The following MCF2L variants were observed in gnomAD, a reference collection of about 807,000 sequenced individuals.
MCF2L encodes the protein guanine nucleotide exchange factor DBS.
In MCF2L, 97 loss-of-function variants were observed where a neutral mutation model predicts 153.4. The observed-to-expected ratio is 0.63, with a 90% CI of 0.54 to 0.75. The LOEUF (loss-of-function observed/expected upper bound fraction) is 0.75, where lower values mean the gene tolerates loss of function less well. Ranked by LOEUF, MCF2L falls within the 30% of genes least tolerant of loss-of-function variation. The probability of loss-of-function intolerance (pLI) is 0.00; values close to 1 mark genes in which losing one functional copy is unlikely to be tolerated. For synonymous variants in MCF2L, 659 were observed against 632.2 expected, an observed-to-expected ratio of 1.04 and a Z score of -0.64; for missense variants, 1,347 against 1,495.2, an observed-to-expected ratio of 0.90 and a Z score of 1.64.
At chr13:113,056,251 A>G in intron 4 of MCF2L, among the ~76,000 whole-genome samples, 1 of 151,876 alleles carries the variant, frequency 6.6e-6, no homozygotes, top group Non-Finnish European at 1.5e-5. Context: ...GACCTGGTCC[A>G]TGTTTGGGTG....
chr13:112,921,304 A>G (rs921968105), intron 2 of MCF2L, among the ~76,000 whole-genome samples: 1 of 152,258 alleles, frequency 6.6e-6, no homozygotes, highest in African/African-American at 2.4e-5. Flanking sequence ...AGAGGTTGCA[A>G]GTTTGATGCC....
rs1320030409 is a variant in MCF2L, at chr13:113,064,203, C to G, written c.490-101C>G. On this transcript the variant is annotated intron_variant, in intron 5 of 29. Coordinates refer to ENST00000535094, the MANE Select transcript of MCF2L (RefSeq NM_001112732.3). This position sits in a 1 kb window ranked among gnomAD's most constrained non-coding sequence, Gnocchi z 6.0. The stretch of plus-strand genomic sequence containing the variant: ...CAGCCGCCCGCAGCATCCAGGCAGA[C>G]GTGGTCCTCTCTGTGCTGCTGGGTG... 2.3e-6 allele frequency: 2 copies of G among 860,144 alleles called. No individual in the cohort carries two copies. The highest frequency in any genetic ancestry group is 3.3e-5 in the African/African-American group (2 of 60,906). The allele number at this position is 860,144 out of a possible 1,614,324, so 53.3% of individuals were successfully genotyped here. A position where few individuals can be genotyped will look rare whatever the true frequency, so the allele number is the denominator to read the frequency against.
At chr13:113,007,640 C>T (rs1395747360) in intron 1 of MCF2L, among the ~76,000 whole-genome samples, 1 of 152,250 alleles carries the variant, frequency 6.6e-6, no homozygotes, top group Admixed American at 6.5e-5. Context: ...GCTGTACAGA[C>T]AGGGCTGAGG....
intron 5 of MCF2L, among the ~76,000 whole-genome samples, chr13:113,062,245 G>A (rs566045688): frequency 6.6e-6 from 1 of 152,222 alleles, no homozygotes; most frequent in African/African-American, 2.4e-5. Context: ...CTGACACCAG[G>A]ATGAGCTAGG....
At chr13:113,073,980 C>T (rs1463423992) in intron 9 of MCF2L, among the ~76,000 whole-genome samples, 1 of 152,122 alleles carries the variant, frequency 6.6e-6, no homozygotes, top group Middle Eastern at 3.2e-3. Context: ...TTCCTGCCAA[C>T]AGCAGAAATC....
At chr13:113,006,434 C>G (rs1364544261) in intron 1 of MCF2L, among the ~76,000 whole-genome samples, 1 of 152,184 alleles carries the variant, frequency 6.6e-6, no homozygotes, top group Admixed American at 6.5e-5. Context: ...GCCTGATCCT[C>G]CCCCCGGGAG....
intron 2 of MCF2L, among the ~76,000 whole-genome samples, chr13:112,947,170 A>T (rs952352104): frequency 7.2e-5 from 11 of 152,110 alleles, no homozygotes; most frequent in Admixed American, 5.9e-4. Context: ...GTTAGGGAGG[A>T]GCCCTTGTCC....
Position 113,045,290 on chromosome 13 carries a change from G to A in MCF2L, c.298G>A (p.Gly100Arg), listed in dbSNP as rs372937886. 19 of 1,613,888 alleles carry A rather than the reference G, an allele frequency of 1.2e-5. No individual in the cohort carries two copies. The highest frequency in any genetic ancestry group is 4.5e-5 in the East Asian group (2 of 44,894). Residue 100 changes from glycine to arginine, a missense_variant, in exon 4 of 30, where the codon GGA (glycine) becomes AGA (arginine). Gly to Arg is a moderately radical substitution (Grantham distance 125, BLOSUM62 -2). Coordinates refer to ENST00000535094, the MANE Select transcript of MCF2L (RefSeq NM_001112732.3). This position sits in a 1 kb window ranked among gnomAD's most constrained non-coding sequence, Gnocchi z 4.2. ...SIPSLQDAGIGFILVIDRRRD... is the reference protein window; with the variant it reads ...SIPSLQDAGIRFILVIDRRRD... ...CTGCAGCCTGCAGGACGCTGGCATC[G>A]GATTCATCCTGGTGATAGACCGGCG...
chr13:113,092,494 G>T (rs1183742126), intron 26 of MCF2L, among the ~76,000 whole-genome samples: 2 of 152,238 alleles, frequency 1.3e-5, no homozygotes, highest in African/African-American at 2.4e-5. Flanking sequence ...CCGGGCCACT[G>T]CCCGTGGGTC....
At position 113,053,644 on chromosome 13, in the gene MCF2L, A is replaced by T. The variant is rs1273590241; in HGVS notation, c.370-6949A>T. Among the ~76,000 whole-genome samples the T allele has an allele frequency of 6.6e-6, 1 of 151,898 alleles. No individual in the cohort carries two copies. The highest frequency in any genetic ancestry group is 2.4e-5 in the African/African-American group (1 of 41,340). On this transcript the variant is annotated intron_variant, in intron 4 of 29. Transcript: ENST00000535094. The surrounding 1 kb of genome is among the most constrained non-coding windows in gnomAD (Gnocchi z 4.4). ...GGTCCCGTGGCTGAGGTGTCCACTG[A>T]CCGTTTCTGCCTGAATGGGTGGTTC...
chr13:112,931,160 A>G (rs1185166194), intron 2 of MCF2L, among the ~76,000 whole-genome samples: 1 of 152,122 alleles, frequency 6.6e-6, no homozygotes, highest in African/African-American at 2.4e-5. Flanking sequence ...GTGTTTCCAC[A>G]TCCCTTTCTC....
rs935029041 is a variant in MCF2L, at chr13:113,035,012, G to A, written c.278+10254G>A. 2.0e-5 allele frequency among the ~76,000 whole-genome samples: 3 copies of A among 152,232 alleles called. No individual in the cohort carries two copies. The highest frequency in any genetic ancestry group is 2.9e-5 in the Non-Finnish European group (2 of 68,048). ...ACCTATGGCGCCCACACCGGAGGGC[G>A]GGAAAAGGAGGAAGAGCATGGCCCC... On this transcript the variant is annotated intron_variant, in intron 3 of 29. Coordinates refer to ENST00000535094, the MANE Select transcript of MCF2L (RefSeq NM_001112732.3). The surrounding 1 kb of genome is among the most constrained non-coding windows in gnomAD (Gnocchi z 4.4).
intron 1 of MCF2L, among the ~76,000 whole-genome samples, chr13:113,000,707 C>T (rs563295621): frequency 3.2e-4 from 49 of 152,344 alleles, no homozygotes; most frequent in Admixed American, 1.8e-3. Context: ...CCCCAGAAGC[C>T]GGTGTTCCCA....
upstream of MCF2L, chr13:112,969,144 G>A: frequency 3.0e-6 from 1 of 335,516 alleles, no homozygotes; most frequent in Non-Finnish European, 4.7e-6. The surrounding 1 kb of genome is among the most constrained non-coding windows in gnomAD (Gnocchi z 4.8). Flanking sequence ...GGGCGGGCGC[G>A]CGCCGCTTCC....
intron 1 of MCF2L, chr13:112,985,222 G>A (rs56135760): frequency 0.27 from 96,889 of 363,684 alleles, 15,079 homozygotes; most frequent in Non-Finnish European, 0.34. Context: ...ATTGCCTGGC[G>A]TACTCTGTCC....
At chr13:113,077,833 C>G (rs1566854521) in intron 13 of MCF2L, among the ~76,000 whole-genome samples, 1 of 152,244 alleles carries the variant, frequency 6.6e-6, no homozygotes, top group Admixed American at 6.5e-5. Context: ...ACCCACCAGG[C>G]GAGCTGCTGC....
chr13:113,027,204 TGG>T lies in MCF2L; in HGVS notation c.278+2448_278+2449del. 1 of 609,448 alleles carries T rather than the reference TGG, an allele frequency of 1.6e-6. No individual in the cohort carries two copies. The highest frequency in any genetic ancestry group is 3.0e-6 in the Non-Finnish European group (1 of 334,398). 37.8% of individuals were successfully genotyped at this position (609,448 alleles called of 1,614,324 possible). A position where few individuals can be genotyped will look rare whatever the true frequency, so the allele number is the denominator to read the frequency against. On this transcript the variant is annotated intron_variant, in intron 3 of 29. Transcript: ENST00000535094. The surrounding 1 kb of genome is among the most constrained non-coding windows in gnomAD (Gnocchi z 4.8). Reference sequence around the variant, plus strand: ...TCAGTCTTTAAAGACAACAGCGCACTGGGCCTGGTAACTGAGAGCTCAGCCCG... The same window carrying T: ...TCAGTCTTTAAAGACAACAGCGCACTGCCTGGTAACTGAGAGCTCAGCCCG...
intron 3 of MCF2L, among the ~76,000 whole-genome samples, chr13:113,032,795 C>A (rs1481361661): frequency 6.6e-6 from 1 of 152,222 alleles, no homozygotes; most frequent in Admixed American, 6.5e-5. Flanking sequence ...ATCTAGAATT[C>A]TTGGGTTCGA....
intron 7 of MCF2L, 23 bp from the exon 8 acceptor site, chr13:113,066,023 A>G (rs1200914866): frequency 1.9e-6 from 3 of 1,610,498 alleles, no homozygotes; most frequent in Non-Finnish European, 2.5e-6. Flanking sequence ...GGGCCGGGAC[A>G]TGAGGCTGCA....
Sources: allele counts gnomAD v4.1 joint callset (sites outside exome capture counted in the v4.1 genomes callset), GRCh38; gene constraint gnomAD v4.1.1; non-coding constraint Gnocchi (gnomAD v3.1); transcripts MANE v1.5; gene names NCBI Gene and HGNC (gene_info 2026-07-23, HGNC 2026-07-21).